The following FGD6 variants were observed in gnomAD, a reference collection of about 807,000 sequenced individuals.
The protein encoded by FGD6 is FYVE, RhoGEF and PH domain containing 6, also known as FYVE, RhoGEF and PH domain-containing protein 6.
A neutral mutation model predicts 149.4 loss-of-function variants in FGD6; 90 were observed. The observed-to-expected ratio is 0.60, with a 90% CI of 0.51 to 0.72. The LOEUF is 0.72. Ranked by LOEUF, FGD6 falls within the 30% of genes least tolerant of loss-of-function variation. FGD6 has a pLI of 0.00. For missense variants in FGD6, 1,437 were observed against 1,684.8 expected, an observed-to-expected ratio of 0.85 and a Z score of 2.57; for synonymous variants, 527 against 584.0, an observed-to-expected ratio of 0.90 and a Z score of 1.41.
Position 95,151,765 on chromosome 12 carries a change from T to C in FGD6, c.2685+1046A>G, listed in dbSNP as rs142989676. Among the ~76,000 whole-genome samples, 282 of 152,338 alleles carry C rather than the reference T, an allele frequency of 1.9e-3. 2 individuals are homozygous for C. Among genetic ancestry groups the C allele is most frequent in the African/African-American group, 6.6e-3 (273 of 41,578 alleles). ...TTCATTTCTCCACAATTAAGCCTAA[T>C]TTATGATGTTAATAATTACACCACA... On this transcript the variant is annotated intron_variant, in intron 5 of 20. Transcript: ENST00000343958.
chr12:95,216,147 C>T (rs367716310), intron 1 of FGD6, among the ~76,000 whole-genome samples: 1 of 152,204 alleles, frequency 6.6e-6, no homozygotes, highest in African/African-American at 2.4e-5. Flanking sequence ...AATCTGATCA[C>T]AGGGAGCAAT....
intron 2 of FGD6, 108 bp downstream of exon 2, chr12:95,208,735 C>G: frequency 2.9e-5 from 37 of 1,269,402 alleles, no homozygotes; most frequent in Non-Finnish European, 3.9e-5. Flanking sequence ...ATTTTCTAAA[C>G]TATTCCTTCA....
intron 5 of FGD6, among the ~76,000 whole-genome samples, chr12:95,148,001 C>G (rs981160120): frequency 4.6e-5 from 7 of 151,972 alleles, no homozygotes; most frequent in African/African-American, 1.7e-4. Flanking sequence ...AAATACCAAA[C>G]CAAGGTAGGG....
rs377197644 is a variant in FGD6, at chr12:95,082,620, G to T, written c.4257-1064C>A. The stretch of plus-strand genomic sequence containing the variant: ...TGCAGTGAGCTGAGACTGCGCCACT[G>T]AACTCCAGCCTGGGCAACAGAGCGA... On this transcript the variant is annotated intron_variant, in intron 20 of 20. Coordinates refer to ENST00000343958, the MANE Select transcript of FGD6 (RefSeq NM_018351.4). 1.0e-3 allele frequency among the ~76,000 whole-genome samples: 128 copies of T among 128,288 alleles called. 1 individual carries two copies. Among genetic ancestry groups the T allele is most frequent in the African/African-American group, 3.4e-3 (116 of 33,676 alleles). 84.2% of individuals were successfully genotyped at this position (128,288 alleles called of 152,430 possible).
chr12:95,089,296 T>A (rs905201276), intron 18 of FGD6, among the ~76,000 whole-genome samples: 6 of 152,234 alleles, frequency 3.9e-5, no homozygotes, highest in African/African-American at 1.4e-4. Context: ...AAAGTCATTT[T>A]AAAAAATTCA....
At chr12:95,086,048 T>A in intron 18 of FGD6, 140 bp from the exon 19 acceptor site, 1 of 861,612 alleles carries the variant, frequency 1.2e-6, no homozygotes, top group Non-Finnish European at 1.8e-6. Context: ...AAAGTGCTAC[T>A]ATACAAATTG....
At position 95,078,661 on chromosome 12, in the gene FGD6, G is replaced by C. The variant is rs1348450628; in HGVS notation, c.*2859C>G. 2 of 152,220 alleles carry C rather than the reference G, an allele frequency of 1.3e-5. No individual in the cohort carries two copies. Among genetic ancestry groups the C allele is most frequent in the Non-Finnish European group, 2.9e-5 (2 of 68,050 alleles). The allele number at this position is 152,220 out of a possible 1,614,324, so 9.4% of individuals were successfully genotyped here. On this transcript the variant is annotated 3_prime_UTR_variant, in exon 21 of 21. Transcript: ENST00000343958. ...GTACATTACAGAAAAAGGGAAAAGA[G>C]ATTGGAAAGAGTCGGAAATGTGGAT...
At chr12:95,203,776 C>G (rs2056675527) in intron 2 of FGD6, among the ~76,000 whole-genome samples, 1 of 152,092 alleles carries the variant, frequency 6.6e-6, no homozygotes, top group Admixed American at 6.5e-5. Flanking sequence ...CAAATTGAAA[C>G]AACACAGGAA....
chr12:95,112,420 T>C (rs1211782433), intron 9 of FGD6, among the ~76,000 whole-genome samples: 1 of 151,712 alleles, frequency 6.6e-6, no homozygotes, highest in Non-Finnish European at 1.5e-5. Context: ...GCCAATATGG[T>C]GAAACCCCAT....
At chr12:95,167,384 G>A (rs1880849647) in intron 3 of FGD6, among the ~76,000 whole-genome samples, 1 of 152,110 alleles carries the variant, frequency 6.6e-6, no homozygotes, top group Non-Finnish European at 1.5e-5. Context: ...CTGACTAGCA[G>A]TTGTTACTGT....
At position 95,195,000 on chromosome 12, in the gene FGD6, T is replaced by G. The variant is rs564643205; in HGVS notation, c.2441+13843A>C. The stretch of plus-strand genomic sequence containing the variant: ...TTCTATGCTGTTTTTTCACTTCCAC[T>G]TCCAAATGCCGAGAGCAGCCTCAGA... On this transcript the variant is annotated intron_variant, in intron 2 of 20. Coordinates refer to ENST00000343958, the MANE Select transcript of FGD6 (RefSeq NM_018351.4). Among the ~76,000 whole-genome samples the G allele has an allele frequency of 2.0e-5, 3 of 152,184 alleles. No individual in the cohort carries two copies. The South Asian group carries it at 6.2e-4, about 32-fold the overall frequency.
intron 2 of FGD6, among the ~76,000 whole-genome samples, chr12:95,206,536 A>G (rs2056693685): frequency 6.6e-6 from 1 of 151,942 alleles, no homozygotes; most frequent in Admixed American, 6.6e-5. Flanking sequence ...AATAAAAAAT[A>G]AAAATCAGCT....
At chr12:95,175,188 C>T (rs1881099896) in intron 2 of FGD6, among the ~76,000 whole-genome samples, 1 of 152,128 alleles carries the variant, frequency 6.6e-6, no homozygotes, top group Non-Finnish European at 1.5e-5. Context: ...CTTCTGAATC[C>T]TTTAACTATC....
chr12:95,086,844 CTTTTTTTTTTTTT>C (rs35618842), intron 18 of FGD6, among the ~76,000 whole-genome samples: 1 of 92,892 alleles, frequency 1.1e-5, no homozygotes, highest in Non-Finnish European at 2.1e-5. Context: ...CCACACCGGC[CTTTTTTTTTTTTT>C]TTTTTTTTTT....
rs1028158775 is a variant in FGD6 at position 95,183,390 on chromosome 12, G to C, written c.2442-10646C>G. On this transcript the variant is annotated intron_variant, in intron 2 of 20. Coordinates refer to ENST00000343958, the MANE Select transcript of FGD6 (RefSeq NM_018351.4). ...CTAGTTGTTCCTGAGTACAGGCCTGGGTGGCCAGGTGTGGCATGCTGTGCC... is the reference window on the plus strand; with the variant it reads ...CTAGTTGTTCCTGAGTACAGGCCTGCGTGGCCAGGTGTGGCATGCTGTGCC... Among the ~76,000 whole-genome samples, 13 of 152,172 alleles carry C rather than the reference G, an allele frequency of 8.5e-5. 1 individual carries two copies. The highest frequency in any genetic ancestry group is 7.9e-4 in the Admixed American group (12 of 15,284).
chr12:95,141,374 C>T lies in FGD6; in HGVS notation c.2837+14G>A, dbSNP rs774085425. Reference sequence around the variant, plus strand: ...TGGAAACACTAGGAAAATCTGAAAACGGTCCATTTTTACCAGTGCAACATT... The same window carrying T: ...TGGAAACACTAGGAAAATCTGAAAATGGTCCATTTTTACCAGTGCAACATT... On this transcript the variant is annotated intron_variant, in intron 6 of 20. Transcript: ENST00000343958. The T allele has an allele frequency of 1.6e-5, 25 of 1,608,868 alleles. No homozygotes were observed. The highest frequency in any genetic ancestry group is 7.8e-5 in the South Asian group (7 of 90,278).
chr12:95,191,682 C>G (rs1750722925), intron 2 of FGD6, among the ~76,000 whole-genome samples: 1 of 152,128 alleles, frequency 6.6e-6, no homozygotes, highest in African/African-American at 2.4e-5. Context: ...ATGCTCAAGT[C>G]CCTTATATAA....
intron 19 of FGD6, among the ~76,000 whole-genome samples, chr12:95,085,213 C>CTTTTT (rs34135341): frequency 3.4e-5 from 4 of 118,102 alleles, no homozygotes; most frequent in Admixed American, 9.0e-5. Flanking sequence ...ACAGCTCTGC[C>CTTTTT]TTTTTTTTTT....
chr12:95,217,086 G>T, intron 1 of FGD6, 139 bp downstream of exon 1: 1 of 1,333,808 alleles, frequency 7.5e-7, no homozygotes, highest in Non-Finnish European at 1.0e-6. Context: ...AATCCCATTA[G>T]CTCCGCGCTT....
Sources: gnomAD v4.1 joint callset for allele counts (sites outside exome capture counted in the v4.1 genomes callset) on GRCh38, gnomAD v4.1.1 for gene constraint, MANE v1.5 for transcripts, NCBI Gene and HGNC (gene_info 2026-07-23, HGNC 2026-07-21) for gene names.